The following VPS13A variants were observed in gnomAD, a reference collection of about 807,000 sequenced individuals.
VPS13A encodes intermembrane lipid transfer protein VPS13A.
A neutral mutation model predicts 390.9 loss-of-function variants in VPS13A; 264 were observed. The observed-to-expected ratio is 0.68, with a 90% CI of 0.61 to 0.75. The LOEUF is 0.75. Among genes scored for constraint, VPS13A ranks in the 30% least tolerant of loss-of-function variants. The pLI is 0.00. For missense variants in VPS13A, 3,409 were observed against 3,733.9 expected, an observed-to-expected ratio of 0.91 and a Z score of 2.27; for synonymous variants, 1,231 against 1,227.1, an observed-to-expected ratio of 1.00 and a Z score of -0.07.
At chr9:77,373,888 T>C (rs1308636188) in intron 67 of VPS13A, among the ~76,000 whole-genome samples, 1 of 152,216 alleles carries the variant, frequency 6.6e-6, no homozygotes, top group African/African-American at 2.4e-5. Context: ...ATTTTGATAT[T>C]TTTTAAGTTG....
chr9:77,411,544 T>C (rs1224048757), intron 71 of VPS13A, among the ~76,000 whole-genome samples: 2 of 150,444 alleles, frequency 1.3e-5, no homozygotes, highest in Non-Finnish European at 2.9e-5. Context: ...GCGCCTGTAG[T>C]CCCAGCTACG....
chr9:77,243,707 T>G (rs574788637), intron 19 of VPS13A, among the ~76,000 whole-genome samples: 1 of 152,332 alleles, frequency 6.6e-6, no homozygotes, highest in Admixed American at 6.5e-5. Context: ...TGCTAGGTTT[T>G]AGGGAACATA....
intron 33 of VPS13A, among the ~76,000 whole-genome samples, chr9:77,297,114 T>G (rs374987360): frequency 1.6e-4 from 25 of 152,130 alleles, no homozygotes; most frequent in African/African-American, 5.5e-4. Flanking sequence ...TCTCATTCAT[T>G]GATTTCTGAT....
intron 24 of VPS13A, 108 bp downstream of exon 24, chr9:77,273,472 C>T (rs1433835832): frequency 1.1e-6 from 1 of 912,614 alleles, no homozygotes; most frequent in African/African-American, 1.7e-5. Flanking sequence ...ATATCTTTTC[C>T]TTTTAAAATC....
chr9:77,247,148 T>G, intron 19 of VPS13A, 111 bp from the exon 20 acceptor site: 1 of 961,260 alleles, frequency 1.0e-6, no homozygotes, highest in Non-Finnish European at 1.5e-6. Flanking sequence ...CATTTTAAAA[T>G]TAATACTAAT....
intron 67 of VPS13A, 124 bp downstream of exon 67, chr9:77,371,273 A>G (rs1587678034): frequency 7.5e-7 from 1 of 1,336,696 alleles, no homozygotes; most frequent in Non-Finnish European, 1.0e-6. Flanking sequence ...AACATACCAC[A>G]TAATACCACA....
chr9:77,211,065 C>T (rs952138577), intron 7 of VPS13A: 1 of 165,882 alleles, frequency 6.0e-6, no homozygotes, highest in Admixed American at 6.0e-5. Flanking sequence ...TAGTGTTTTC[C>T]TGTTTAATTT....
chr9:77,255,575 G>C (rs190686888), intron 22 of VPS13A, among the ~76,000 whole-genome samples: 1 of 152,216 alleles, frequency 6.6e-6, no homozygotes, highest in Admixed American at 6.5e-5. Flanking sequence ...GAATGGATTA[G>C]AAAGTATTCC....
rs1428115697 is a variant in VPS13A at position 77,417,455 on chromosome 9, C to A, written c.*1449C>A. On this transcript the variant is annotated 3_prime_UTR_variant, in exon 72 of 72. Coordinates refer to ENST00000360280, the MANE Select transcript of VPS13A (RefSeq NM_033305.3). ...ATTGTTTATTCTCAGTAGTTTCCCC[C>A]AAAATGCTTTTTTCTTTGCTGAACT... 1 of 152,034 alleles carries A rather than the reference C, an allele frequency of 6.6e-6. No homozygotes were observed. Among genetic ancestry groups the A allele is most frequent in the Admixed American group, 6.6e-5 (1 of 15,250 alleles). The allele number at this position is 152,034 out of a possible 1,614,324, so 9.4% of individuals were successfully genotyped here. A position where few individuals can be genotyped will look rare whatever the true frequency, so the allele number is the denominator to read the frequency against.
At chr9:77,265,387 G>T (rs563647621) in intron 23 of VPS13A, among the ~76,000 whole-genome samples, 1 of 152,250 alleles carries the variant, frequency 6.6e-6, no homozygotes, top group East Asian at 1.9e-4. Flanking sequence ...CCTCCTCTTT[G>T]TGCCTCTGGT....
chr9:77,367,101 G>C (rs573006367), intron 61 of VPS13A, among the ~76,000 whole-genome samples: 1 of 152,212 alleles, frequency 6.6e-6, no homozygotes, highest in East Asian at 1.9e-4. Flanking sequence ...AAGAGTCATA[G>C]GCCATGCAAG....
At chr9:77,265,515 T>G (rs1825988900) in intron 23 of VPS13A, among the ~76,000 whole-genome samples, 1 of 152,198 alleles carries the variant, frequency 6.6e-6, no homozygotes, top group African/African-American at 2.4e-5. Context: ...TCTTCCTGAT[T>G]TAGTCTTGAG....
At chr9:77,383,877 A>G (rs1833561302) in intron 68 of VPS13A, among the ~76,000 whole-genome samples, 1 of 151,806 alleles carries the variant, frequency 6.6e-6, no homozygotes, top group African/African-American at 2.4e-5. Flanking sequence ...ATTTGTAGGG[A>G]TTCACCAAGT....
chr9:77,303,015 C>G lies in VPS13A; in HGVS notation c.3913C>G (p.Gln1305Glu). 6.2e-7 allele frequency: 1 copy of G among 1,613,934 alleles called. No individual in the cohort carries two copies. The highest frequency in any genetic ancestry group is 8.5e-7 in the Non-Finnish European group (1 of 1,179,956). Residue 1305 changes from glutamine (Q) to glutamate (E), a missense_variant, in exon 34 of 72, where the codon CAG becomes GAG. Gln to Glu is a conservative substitution (Grantham distance 29). Coordinates refer to ENST00000360280, the MANE Select transcript of VPS13A (RefSeq NM_033305.3). ...ACGAAATTTATGCTGGGAGTGGTAC[C>G]AGGAAGTTCCTTGTTTTAATGTAAA... ...VERNLCWEWY[Q>E]EVPCFNVNAQ... is the part of the protein sequence containing the mutation.
chr9:77,370,844 C>A, intron 65 of VPS13A, 46 bp from the exon 66 acceptor site: 4 of 1,610,010 alleles, frequency 2.5e-6, no homozygotes, highest in Non-Finnish European at 3.4e-6. Context: ...TTCTTCTAGG[C>A]ATCATAAAAA....
At chr9:77,199,044 G>C (rs1825171965) in intron 1 of VPS13A, among the ~76,000 whole-genome samples, 3 of 152,152 alleles carry the variant, frequency 2.0e-5, no homozygotes, top group African/African-American at 4.8e-5. Context: ...AGTAGTTACA[G>C]ATAGGGAAGG....
chr9:77,388,234 GTTAAT>G (rs746178422), intron 68 of VPS13A, among the ~76,000 whole-genome samples: 11 of 152,114 alleles, frequency 7.2e-5, no homozygotes, highest in Non-Finnish European at 1.3e-4. Flanking sequence ...TGCTTACACT[GTTAAT>G]TTAATCATTA....
chr9:77,351,740 G>T (rs373224179), intron 53 of VPS13A, among the ~76,000 whole-genome samples: 8 of 152,222 alleles, frequency 5.3e-5, no homozygotes, highest in Middle Eastern at 3.4e-3. Context: ...ATGGTGGCGG[G>T]TGCCTGTAGT....
At chr9:77,339,472 G>T in intron 47 of VPS13A, 44 bp from the exon 48 acceptor site, 5 of 1,499,796 alleles carry the variant, frequency 3.3e-6, no homozygotes, top group Non-Finnish European at 4.5e-6. Flanking sequence ...ATATTATTCT[G>T]CAACATTTTA....
Sources: allele counts gnomAD v4.1 joint callset (sites outside exome capture counted in the v4.1 genomes callset), GRCh38; gene constraint gnomAD v4.1.1; transcripts MANE v1.5; gene names NCBI Gene and HGNC (gene_info 2026-07-23, HGNC 2026-07-21).